NFXL1: variants seen among roughly 807,000 people sequenced by gnomAD.
NFXL1 encodes NF-X1-type zinc finger protein NFXL1.
NFXL1 carries 66 observed loss-of-function variants against 123.3 expected under a neutral mutation model. The observed-to-expected ratio is 0.54, with a 90% CI of 0.44 to 0.66. The LOEUF (loss-of-function observed/expected upper bound fraction) is 0.66, where lower values mean the gene tolerates loss of function less well. Ranked by LOEUF, NFXL1 falls within the 30% of genes least tolerant of loss-of-function variation. NFXL1 has a pLI of 0.00. For synonymous variants in NFXL1, 346 were observed against 360.8 expected, an observed-to-expected ratio of 0.96 and a Z score of 0.46; for missense variants, 944 against 1,125.6, an observed-to-expected ratio of 0.84 and a Z score of 2.31.
intron 17 of NFXL1, 109 bp downstream of exon 17, chr4:47,878,416 A>G: frequency 1.2e-6 from 1 of 857,920 alleles, no homozygotes; most frequent in South Asian, 2.0e-5. Context: ...TGAGGGCAAA[A>G]AAAGAGACAG....
chr4:47,894,052 T>G (rs1736932779), intron 11 of NFXL1, 128 bp downstream of exon 11: 1 of 510,206 alleles, frequency 2.0e-6, no homozygotes, highest in Non-Finnish European at 3.2e-6. Flanking sequence ...GAATATTTAT[T>G]AATATATTAA....
At chr4:47,848,596 A>G (rs1295885527) in intron 22 of NFXL1, among the ~76,000 whole-genome samples, 1 of 152,236 alleles carries the variant, frequency 6.6e-6, no homozygotes. Context: ...TAAATATTAA[A>G]ATGTCTGATT....
At chr4:47,868,895 CA>C (rs1735264339) in intron 18 of NFXL1, among the ~76,000 whole-genome samples, 1 of 152,100 alleles carries the variant, frequency 6.6e-6, no homozygotes, top group Admixed American at 6.5e-5. Flanking sequence ...TCTTTATAAG[CA>C]AAAACTACAG....
At chr4:47,857,640 T>C (rs1734489719) in intron 19 of NFXL1, among the ~76,000 whole-genome samples, 1 of 152,168 alleles carries the variant, frequency 6.6e-6, no homozygotes, top group African/African-American at 2.4e-5. Context: ...CATTTGACCC[T>C]GCCACATACT....
chr4:47,874,433 G>A (rs935898587), intron 18 of NFXL1, among the ~76,000 whole-genome samples: 1 of 152,168 alleles, frequency 6.6e-6, no homozygotes, highest in African/African-American at 2.4e-5. Context: ...GAATAAGTAG[G>A]CGCAAGAAGA....
At chr4:47,891,130 T>C (rs1211185610) in intron 11 of NFXL1, among the ~76,000 whole-genome samples, 5 of 141,710 alleles carry the variant, frequency 3.5e-5, no homozygotes, top group Non-Finnish European at 7.9e-5. Flanking sequence ...TTTTTTTTTC[T>C]TGAGACAGAG....
chr4:47,863,015 C>A, intron 18 of NFXL1, 100 bp from the exon 19 acceptor site: 1 of 689,518 alleles, frequency 1.5e-6, no homozygotes, highest in East Asian at 2.7e-5. Flanking sequence ...ATAAAATTAT[C>A]TTTTTTCCTC....
rs2110100085 is a variant in NFXL1, at chr4:47,899,418, C to G, written c.778G>C (p.Glu260Gln). The G allele has an allele frequency of 6.2e-7, 1 of 1,613,898 alleles. No individual in the cohort carries two copies. Among genetic ancestry groups the G allele is most frequent in the Middle Eastern group, 1.6e-4 (1 of 6,062 alleles). ...PHSCGQVCER[E>Q]FKPPCGHKCL... ...TTATGGCCACAAGGAGGTTTAAATTCACGCTCACATACTTGGCCACATGAA... is the reference window on the plus strand; with the variant it reads ...TTATGGCCACAAGGAGGTTTAAATTGACGCTCACATACTTGGCCACATGAA... Residue 260 changes from glutamate (E) to glutamine (Q), a missense_variant, in exon 6 of 23, where the codon GAA (glutamate) becomes CAA (glutamine). Physicochemically the swap from Glu to Gln is conservative, Grantham distance 29 (BLOSUM62 2). Coordinates refer to ENST00000507489, the MANE Select transcript of NFXL1 (RefSeq NM_001278624.2).
chr4:47,870,911 C>A (rs1735390375), intron 18 of NFXL1, among the ~76,000 whole-genome samples: 1 of 152,128 alleles, frequency 6.6e-6, no homozygotes, highest in African/African-American at 2.4e-5. Context: ...CTCCCATGGG[C>A]CTTTGATGTT....
At chr4:47,874,903 T>A (rs1295972920) in intron 18 of NFXL1, among the ~76,000 whole-genome samples, 1 of 152,152 alleles carries the variant, frequency 6.6e-6, no homozygotes, top group Non-Finnish European at 1.5e-5. Context: ...TAACAAAATC[T>A]TATACAGAAT....
At chr4:47,860,001 G>C (rs1185204520) in intron 19 of NFXL1, among the ~76,000 whole-genome samples, 2 of 151,966 alleles carry the variant, frequency 1.3e-5, no homozygotes, top group African/African-American at 2.4e-5. Flanking sequence ...GGATTGGGGG[G>C]ATGTTAGTCA....
chr4:47,912,535 T>C (rs1401371471), intron 2 of NFXL1, among the ~76,000 whole-genome samples: 1 of 149,152 alleles, frequency 6.7e-6, no homozygotes, highest in African/African-American at 2.5e-5. Flanking sequence ...TCTCGGCTAC[T>C]GCAAGCTCCG....
At chr4:47,851,022 A>T in intron 22 of NFXL1, 73 bp downstream of exon 22, 1 of 1,108,454 alleles carries the variant, frequency 9.0e-7, no homozygotes, top group South Asian at 1.2e-5. Flanking sequence ...TTGACCTTGG[A>T]ATATACCCCG....
chr4:47,880,711 T>C (rs548811801), intron 15 of NFXL1, among the ~76,000 whole-genome samples: 13 of 150,868 alleles, frequency 8.6e-5, no homozygotes, highest in East Asian at 3.9e-4. Context: ...ATATCTGTTA[T>C]TGTGATCCGT....
chr4:47,912,274 A>T (rs1397710687), intron 2 of NFXL1, among the ~76,000 whole-genome samples: 1 of 152,138 alleles, frequency 6.6e-6, no homozygotes, highest in African/African-American at 2.4e-5. Flanking sequence ...AGCACTTAAA[A>T]GATACATAAG....
Position 47,914,216 on chromosome 4 carries a change from G to GAAAA in NFXL1, c.-2-15_-2-12dup. ...AGGAAGCTTCCATCCCTGCAAAGGA[G>GAAAA]AAAAAAAAAAAAAAGAGTGGAAGGA... is the stretch of plus-strand genomic sequence containing the variant. On this transcript the variant is annotated splice_polypyrimidine_tract_variant and intron_variant, in intron 1 of 22. Coordinates refer to ENST00000507489, the MANE Select transcript of NFXL1 (RefSeq NM_001278624.2). 3 of 1,182,722 alleles carry GAAAA rather than the reference G, an allele frequency of 2.5e-6. No individual in the cohort carries two copies. Among genetic ancestry groups the GAAAA allele is most frequent in the African/African-American group, 1.6e-5 (1 of 61,794 alleles). 73.3% of individuals were successfully genotyped at this position (1,182,722 alleles called of 1,614,324 possible).
At position 47,909,489 on chromosome 4, in the gene NFXL1, C is replaced by T. The variant is rs191969185; in HGVS notation, c.406+1335G>A. 2.1e-3 allele frequency among the ~76,000 whole-genome samples: 314 copies of T among 152,106 alleles called. 3 individuals are homozygous for T. In the Middle Eastern group the frequency reaches 0.051, roughly 25 times the overall value. ...TCACCTCTCCTCTGTAGAATTGTTTCCCAAAATATTTGTAAGGTTTTTCCT... is the reference window on the plus strand; with the variant it reads ...TCACCTCTCCTCTGTAGAATTGTTTTCCAAAATATTTGTAAGGTTTTTCCT... On this transcript the variant is annotated intron_variant, in intron 3 of 22. Coordinates refer to ENST00000507489, the MANE Select transcript of NFXL1 (RefSeq NM_001278624.2).
At chr4:47,886,077 T>C in intron 12 of NFXL1, 78 bp from the exon 13 acceptor site, 2 of 1,289,314 alleles carry the variant, frequency 1.6e-6, no homozygotes, top group South Asian at 2.7e-5. Context: ...ATAAATTTAG[T>C]ATATTCACAC....
intron 17 of NFXL1, chr4:47,876,998 G>A (rs866492440): frequency 8.8e-7 from 1 of 1,131,472 alleles, no homozygotes; most frequent in Non-Finnish European, 1.2e-6. Context: ...TATGCAAAAA[G>A]AACCAAAGTT....
Sources: allele counts gnomAD v4.1 joint callset (sites outside exome capture counted in the v4.1 genomes callset), GRCh38; gene constraint gnomAD v4.1.1; transcripts MANE v1.5; gene names NCBI Gene and HGNC (gene_info 2026-07-23, HGNC 2026-07-21).